Variants in GABRA2 observed in about 807,000 individuals in gnomAD.
The protein encoded by GABRA2 is gamma-aminobutyric acid type A receptor subunit alpha2, also known as gamma-aminobutyric acid receptor subunit alpha-2.
GABRA2 carries 16 observed loss-of-function variants against 48.7 expected under a neutral mutation model. The observed-to-expected ratio is 0.33, with a 90% CI of 0.22 to 0.50. The LOEUF (loss-of-function observed/expected upper bound fraction) is 0.50. GABRA2 is among the 20% of genes least tolerant of loss of function. GABRA2 has a pLI of 0.98. For missense variants in GABRA2, 275 were observed against 535.6 expected (o/e 0.51, Z 4.80); for synonymous variants, 185 against 184.5 (o/e 1.00, Z -0.02).
chr4:46,327,179 A>G (rs982369734), intron 4 of GABRA2, among the ~76,000 whole-genome samples: 1 of 151,942 alleles, frequency 6.6e-6, no homozygotes, highest in Admixed American at 6.6e-5. Flanking sequence ...CACCAATCTT[A>G]TAATATATTT....
chr4:46,311,074 T>C (rs539843506), intron 5 of GABRA2, among the ~76,000 whole-genome samples: 78 of 152,318 alleles, frequency 5.1e-4, no homozygotes, highest in African/African-American at 1.8e-3. Flanking sequence ...AGACAATATA[T>C]TCCAAAATTA....
chr4:46,251,925 T>G (rs1020075531), intron 9 of GABRA2, among the ~76,000 whole-genome samples: 4 of 151,490 alleles, frequency 2.6e-5, no homozygotes, highest in African/African-American at 9.7e-5. Flanking sequence ...AGTACTTATC[T>G]GTTTCTTTAC....
chr4:46,326,356 C>T (rs913206883), intron 4 of GABRA2, among the ~76,000 whole-genome samples: 12 of 151,882 alleles, frequency 7.9e-5, no homozygotes, highest in African/African-American at 2.4e-4. Flanking sequence ...GCAAAACACA[C>T]GGGTTCATAC....
chr4:46,348,816 C>T (rs1206387261), intron 3 of GABRA2, among the ~76,000 whole-genome samples: 1 of 151,000 alleles, frequency 6.6e-6, no homozygotes, highest in Non-Finnish European at 1.5e-5. Flanking sequence ...AGGAGATATA[C>T]CTAATGCTGA....
chr4:46,256,124 G>A, intron 9 of GABRA2: 3 of 443,706 alleles, frequency 6.8e-6, no homozygotes, highest in South Asian at 5.5e-5. Flanking sequence ...AAATAACAAC[G>A]TGCTCATTGG....
At position 46,250,318 on chromosome 4, in the gene GABRA2, A is replaced by G. The variant is rs2109372238; in HGVS notation, c.1346T>C (p.Val449Ala). 1 of 1,608,642 alleles carries G rather than the reference A, an allele frequency of 6.2e-7. No individual in the cohort carries two copies. The highest frequency in any genetic ancestry group is 8.5e-7 in the Non-Finnish European group (1 of 1,176,992). ...AACATGGGTCTCAATTCAAGGACTG[A>G]CCCCTAATACAGGTTCTCTGTTTAA... ...TYLNREPVLG[V>A]SP The change falls in exon 10 of 10, where the codon GTC (valine) becomes GCC (alanine). Residue 449 changes from valine to alanine, a missense_variant. By Grantham distance (64) the Val-to-Ala change is moderately conservative. Transcript: ENST00000381620.
At chr4:46,369,377 A>G (rs920104136) in intron 3 of GABRA2, among the ~76,000 whole-genome samples, 19 of 152,170 alleles carry the variant, frequency 1.2e-4, no homozygotes, top group Non-Finnish European at 2.5e-4. Context: ...TTATTTAAAA[A>G]CAAGAATAGG....
chr4:46,328,713 T>G (rs903894645), intron 4 of GABRA2, among the ~76,000 whole-genome samples: 4 of 152,120 alleles, frequency 2.6e-5, no homozygotes, highest in Non-Finnish European at 5.9e-5. Flanking sequence ...TGTGCCATGC[T>G]GGTGCGCTGC....
chr4:46,388,915 T>G, intron 1 of GABRA2, 199 bp from the exon 2 acceptor site: 2 of 1,330,112 alleles, frequency 1.5e-6, no homozygotes. Context: ...CCTTTTCCTT[T>G]CTGTTTCTTT....
chr4:46,365,045 G>A (rs1012352406), intron 3 of GABRA2: 3 of 152,108 alleles, frequency 2.0e-5, no homozygotes, highest in African/African-American at 4.8e-5. Context: ...ATCATGATTA[G>A]AAATCTAACA....
chr4:46,284,681 C>A (rs920639448), intron 8 of GABRA2, among the ~76,000 whole-genome samples: 3 of 152,178 alleles, frequency 2.0e-5, no homozygotes, highest in Middle Eastern at 3.4e-3. Context: ...AACTTCTCTG[C>A]CTACTGTCTT....
chr4:46,337,247 G>T (rs747039438), intron 3 of GABRA2, among the ~76,000 whole-genome samples: 2 of 152,046 alleles, frequency 1.3e-5, no homozygotes, highest in Non-Finnish European at 2.9e-5. Context: ...AAGACATGGA[G>T]GTTTCACTCT....
chr4:46,251,395 A>C (rs1714725837), intron 9 of GABRA2, among the ~76,000 whole-genome samples: 2 of 150,550 alleles, frequency 1.3e-5, no homozygotes, highest in South Asian at 4.2e-4. Flanking sequence ...TGAAAACAAC[A>C]TTTTTTTTTA....
At chr4:46,387,150 A>G (rs1717573188) in intron 2 of GABRA2, among the ~76,000 whole-genome samples, 1 of 152,198 alleles carries the variant, frequency 6.6e-6, no homozygotes, top group Non-Finnish European at 1.5e-5. Flanking sequence ...GCCCCAAAAA[A>G]GAATCATTTA....
rs780694843 is a variant in GABRA2 at position 46,261,841 on chromosome 4, T to G, written c.1059+85A>C. 444 of 907,024 alleles carry G rather than the reference T, an allele frequency of 4.9e-4. 2 individuals are homozygous for G. Among genetic ancestry groups the G allele is most frequent in the Middle Eastern group, 7.0e-4 (3 of 4,272 alleles). 56.2% of individuals were successfully genotyped at this position (907,024 alleles called of 1,614,324 possible). On this transcript the variant is annotated intron_variant, in intron 9 of 9. Transcript: ENST00000381620. ...TTCATATATATATGGATGTCTTTAA[T>G]GTCAGTTTTTAGAAACATATCTGTT...
At chr4:46,317,061 G>C (rs1728672047) in intron 4 of GABRA2, among the ~76,000 whole-genome samples, 1 of 151,920 alleles carries the variant, frequency 6.6e-6, no homozygotes, top group South Asian at 2.1e-4. Context: ...GTGGCTATAG[G>C]AAGGGGTAAA....
At position 46,337,560 on chromosome 4, in the gene GABRA2, T is replaced by C. The variant is rs143255040; in HGVS notation, c.188-4878A>G. On this transcript the variant is annotated intron_variant, in intron 3 of 9. Transcript: ENST00000381620. Reference sequence around the variant, plus strand: ...GTGGCCAGGGCTATGTAACCAGATATATTATGTCACATTTATGTAGAGGGC... The same window carrying C: ...GTGGCCAGGGCTATGTAACCAGATACATTATGTCACATTTATGTAGAGGGC... Among the ~76,000 whole-genome samples, 1,146 of 150,632 alleles carry C rather than the reference T, an allele frequency of 7.6e-3. 7 individuals carry two copies. Among genetic ancestry groups the C allele is most frequent in the Middle Eastern group, 0.024 (7 of 292 alleles).
chr4:46,336,390 A>G (rs1239964924), intron 3 of GABRA2, among the ~76,000 whole-genome samples: 2 of 152,172 alleles, frequency 1.3e-5, no homozygotes, highest in African/African-American at 4.8e-5. Context: ...GTACTTGAAG[A>G]CAGCACTGAT....
At chr4:46,290,572 C>T (rs2109531316) in intron 8 of GABRA2, among the ~76,000 whole-genome samples, 1 of 152,042 alleles carries the variant, frequency 6.6e-6, no homozygotes, top group East Asian at 1.9e-4. Context: ...TTGAATTTTT[C>T]ACTTCTGATG....
Sources: allele counts gnomAD v4.1 joint callset (sites outside exome capture counted in the v4.1 genomes callset), GRCh38; gene constraint gnomAD v4.1.1; transcripts MANE v1.5; gene names NCBI Gene and HGNC (gene_info 2026-07-23, HGNC 2026-07-21).